Variants in COL5A1 observed in about 807,000 individuals in gnomAD.
COL5A1 encodes the protein collagen alpha-1(V) chain.
In COL5A1, 16 loss-of-function variants were observed where a neutral mutation model predicts 263.7. That is an observed-to-expected ratio of 0.06 (90% confidence interval 0.04 to 0.09). The LOEUF is 0.09. COL5A1 is among the 10% of genes least tolerant of loss of function. The probability of loss-of-function intolerance (pLI) is 1.00; values close to 1 mark genes in which losing one functional copy is unlikely to be tolerated. For missense variants in COL5A1, 2,036 were observed against 2,540.5 expected (o/e 0.80, Z 4.27); for synonymous variants, 1,012 against 1,004.5 (o/e 1.01, Z -0.14).
intron 1 of COL5A1, among the ~76,000 whole-genome samples, chr9:134,659,545 C>T (rs902412691): frequency 2.0e-5 from 3 of 152,150 alleles, no homozygotes; most frequent in Non-Finnish European, 2.9e-5. Flanking sequence ...AGGACGGTTG[C>T]ACTTTTTTTC....
rs759887202 is a variant in COL5A1 at position 134,738,846 on chromosome 9, T to C, written c.1494+38T>C. The C allele has an allele frequency of 9.0e-6, 14 of 1,550,608 alleles. No individual in the cohort carries two copies. The Admixed American group carries it at 2.3e-4, about 26-fold the overall frequency. On this transcript the variant is annotated intron_variant, in intron 11 of 65. Transcript: ENST00000371817. ...CTGTGTTTCCTGAGATCACACAAGG[T>C]GTGGGGCTGCCCACGCCTCCTCTCC...
At chr9:134,733,823 T>G (rs1834993793) in intron 9 of COL5A1, among the ~76,000 whole-genome samples, 1 of 152,202 alleles carries the variant, frequency 6.6e-6, no homozygotes, top group Non-Finnish European at 1.5e-5. Flanking sequence ...TATTGAGAGG[T>G]GGGACATCCG....
Position 134,766,822 on chromosome 9 carries a change from C to T in COL5A1, c.2134-178C>T, listed in dbSNP as rs568737595. 7.2e-5 allele frequency among the ~76,000 whole-genome samples: 11 copies of T among 152,320 alleles called. No individual in the cohort carries two copies. In the South Asian group the frequency reaches 1.0e-3, roughly 14 times the overall value. On this transcript the variant is annotated intron_variant, in intron 22 of 65. Transcript: ENST00000371817. ...GAGTCAACCTCCACAGCCTCAGAGG[C>T]GCTGAGTCCTGGGGCTGCTCTCTGT...
intron 4 of COL5A1, among the ~76,000 whole-genome samples, chr9:134,702,384 G>A (rs1028438380): frequency 3.3e-5 from 5 of 152,058 alleles, no homozygotes; most frequent in Non-Finnish European, 7.4e-5. Context: ...CTAAATCCCC[G>A]AGCGCTGCCG....
rs1234061057 is a variant in COL5A1 at position 134,819,128 on chromosome 9, C to G, written c.4446+75C>G. 4 of 1,461,944 alleles carry G rather than the reference C, an allele frequency of 2.7e-6. No individual in the cohort carries two copies. In the African/African-American group the frequency reaches 4.2e-5, roughly 15 times the overall value. 90.6% of individuals were successfully genotyped at this position (1,461,944 alleles called of 1,614,324 possible). On this transcript the variant is annotated intron_variant, in intron 57 of 65. Transcript: ENST00000371817. ...TTGTGGCCGTGGGTCTCAAACTCAA[C>G]AAGCTCTTGATCCGTCACCTAAATG...
rs1433485060 is a variant in COL5A1, at chr9:134,794,850, G to C, written c.2701-232G>C. On this transcript the variant is annotated intron_variant, in intron 32 of 65. Transcript: ENST00000371817. This position sits in a 1 kb window ranked among gnomAD's most constrained non-coding sequence, Gnocchi z 4.3. ...CCATCAGACTGCAGGAGGAAAATTG[G>C]ATTTCAGCAGGACTTGTGCAGGAGT... Among the ~76,000 whole-genome samples, 1 of 152,210 alleles carries C rather than the reference G, an allele frequency of 6.6e-6. No individual in the cohort carries two copies. Among genetic ancestry groups the C allele is most frequent in the Admixed American group, 6.5e-5 (1 of 15,284 alleles).
chr9:134,768,729 G>A (rs867393030), intron 25 of COL5A1, among the ~76,000 whole-genome samples: 5 of 152,344 alleles, frequency 3.3e-5, no homozygotes, highest in Admixed American at 2.0e-4. Flanking sequence ...ATTAATTACC[G>A]GAAGTCAGGC....
chr9:134,762,868 C>CGT (rs36058752), intron 19 of COL5A1, among the ~76,000 whole-genome samples: 4,126 of 149,764 alleles, frequency 0.028, 101 homozygotes, highest in African/African-American at 0.065. Flanking sequence ...ATTGAGAGGA[C>CGT]GTGTGTGTGT....
intron 4 of COL5A1, among the ~76,000 whole-genome samples, chr9:134,719,872 A>C (rs1429721856): frequency 6.6e-6 from 1 of 152,184 alleles, no homozygotes; most frequent in African/African-American, 2.4e-5. Context: ...GAAACCTGGC[A>C]GTTAGATGTG....
At chr9:134,828,567 TACAC>T (rs1053768070) in intron 63 of COL5A1, among the ~76,000 whole-genome samples, 4 of 29,616 alleles carry the variant, frequency 1.4e-4, no homozygotes, top group Non-Finnish European at 2.9e-4. Flanking sequence ...ACACACACAA[TACAC>T]ACCACATATA....
At chr9:134,675,953 A>C (rs1832674384) in intron 1 of COL5A1, among the ~76,000 whole-genome samples, 1 of 152,192 alleles carries the variant, frequency 6.6e-6, no homozygotes, top group Non-Finnish European at 1.5e-5. Flanking sequence ...ACCTTGATTT[A>C]AGGGAGGGGA....
intron 1 of COL5A1, among the ~76,000 whole-genome samples, chr9:134,676,723 C>T (rs1832697837): frequency 1.3e-5 from 1 of 76,776 alleles, no homozygotes; most frequent in African/African-American, 7.4e-5. Context: ...GGTGGTGCTT[C>T]ATTGTTCACT....
In COL5A1 at chr9:134,814,052, C is replaced by A; in HGVS notation, c.3906+16C>A. The A allele has an allele frequency of 6.4e-7, 1 of 1,550,396 alleles. No homozygotes were observed. The highest frequency in any genetic ancestry group is 8.7e-7 in the Non-Finnish European group (1 of 1,146,788). On this transcript the variant is annotated intron_variant, in intron 49 of 65. Transcript: ENST00000371817. ...CGGCCCCCCGGTGAGTGAGCGGGCG[C>A]TGCGGGAGGGGTGGGATATGGCCGA...
intron 11 of COL5A1, among the ~76,000 whole-genome samples, chr9:134,749,262 G>A (rs927599009): frequency 6.6e-6 from 1 of 152,162 alleles, no homozygotes; most frequent in Non-Finnish European, 1.5e-5. Context: ...ACAAAACTCC[G>A]AAGCCACACA....
Position 134,707,548 on chromosome 9 carries a change from TGGG to T in COL5A1, c.654+6216_654+6218del, listed in dbSNP as rs1156679827. Among the ~76,000 whole-genome samples, 7 of 30,178 alleles carry T rather than the reference TGGG, an allele frequency of 2.3e-4. No homozygotes were observed. The East Asian group carries it at 7.3e-3, about 31-fold the overall frequency. 19.8% of individuals were successfully genotyped at this position (30,178 alleles called of 152,430 possible). A position where few individuals can be genotyped will look rare whatever the true frequency, so the allele number is the denominator to read the frequency against. Reference sequence around the variant, plus strand: ...GGAGGCACCCTGGGATTCCTGTGAGTGGGAACAGAGGAGCCCTGGGATTCCTGT... The same window carrying T: ...GGAGGCACCCTGGGATTCCTGTGAGTAACAGAGGAGCCCTGGGATTCCTGT... On this transcript the variant is annotated intron_variant, in intron 4 of 65. Coordinates refer to ENST00000371817, the MANE Select transcript of COL5A1 (RefSeq NM_000093.5).
intron 1 of COL5A1, among the ~76,000 whole-genome samples, chr9:134,684,395 C>T (rs1232066745): frequency 1.3e-5 from 2 of 152,256 alleles, no homozygotes; most frequent in African/African-American, 4.8e-5. Flanking sequence ...TCTTCAGCCA[C>T]CTGGCTGCCA....
chr9:134,760,503 C>G (rs1476640852), intron 18 of COL5A1, among the ~76,000 whole-genome samples: 6 of 129,352 alleles, frequency 4.6e-5, no homozygotes, highest in Non-Finnish European at 9.6e-5. Context: ...CACACATGCA[C>G]ACACGCATAC....
rs1281727014 is a variant in COL5A1 at position 134,806,328 on chromosome 9, C to T, written c.3366+32C>T. On this transcript the variant is annotated intron_variant, in intron 42 of 65. Coordinates refer to ENST00000371817, the MANE Select transcript of COL5A1 (RefSeq NM_000093.5). ...ACTGCCTTGGATTGGGGGAGCCCTT[C>T]CCTCAGAGATGCTGGGGTCGTTCCG... The T allele has an allele frequency of 2.6e-5, 38 of 1,454,658 alleles. 1 individual carries two copies. The highest frequency in any genetic ancestry group is 1.3e-4 in the South Asian group (11 of 82,010). 90.1% of individuals were successfully genotyped at this position (1,454,658 alleles called of 1,614,324 possible). A position where few individuals can be genotyped will look rare whatever the true frequency, so the allele number is the denominator to read the frequency against.
Position 134,738,325 on chromosome 9 carries a change from T to G in COL5A1, c.1390-149T>G, listed in dbSNP as rs535851184. The stretch of plus-strand genomic sequence containing the variant: ...CACTGAGGCCCCACCACAGGCCCCC[T>G]TTGCAGTCTGTGCTCGTGACTCCCC... On this transcript the variant is annotated intron_variant, in intron 9 of 65. Transcript: ENST00000371817. 1.8e-4 allele frequency: 148 copies of G among 811,810 alleles called. No individual in the cohort carries two copies. The African/African-American group carries it at 2.3e-3, about 13-fold the overall frequency. 50.3% of individuals were successfully genotyped at this position (811,810 alleles called of 1,614,324 possible).
Sources: gnomAD v4.1 joint callset for allele counts (sites outside exome capture counted in the v4.1 genomes callset) on GRCh38, gnomAD v4.1.1 for gene constraint, Gnocchi (gnomAD v3.1) non-coding constraint, MANE v1.5 for transcripts, NCBI Gene and HGNC (gene_info 2026-07-23, HGNC 2026-07-21) for gene names.